NEMF: variants seen among roughly 807,000 people sequenced by gnomAD.
NEMF encodes ribosome quality control complex subunit NEMF.
NEMF carries 89 observed loss-of-function variants against 162.2 expected under a neutral mutation model. The ratio of observed to expected loss-of-function variants is 0.55; its 90% confidence interval spans 0.46 to 0.65. NEMF has a LOEUF of 0.65. Among genes scored for constraint, NEMF ranks in the 30% least tolerant of loss-of-function variants. The pLI, the probability that NEMF is intolerant of heterozygous loss-of-function variation, is 0.00. For synonymous variants in NEMF, 421 were observed against 404.5 expected (o/e 1.04, Z -0.49); for missense variants, 1,133 against 1,261.9 (o/e 0.90, Z 1.55).
intron 7 of NEMF, 39 bp from the exon 8 acceptor site, chr14:49,833,535 TC>T (rs1251883243): frequency 7.3e-7 from 1 of 1,372,508 alleles, no homozygotes; most frequent in Non-Finnish European, 1.0e-6. Context: ...GGAGTGCCAA[TC>T]AAGTGTCAAT....
intron 11 of NEMF, among the ~76,000 whole-genome samples, chr14:49,829,662 G>A (rs550015831): frequency 6.6e-6 from 1 of 152,100 alleles, no homozygotes; most frequent in African/African-American, 2.4e-5. Flanking sequence ...TTGATTACAG[G>A]TTACTGTGTA....
chr14:49,848,835 A>C (rs1490610581), intron 3 of NEMF, among the ~76,000 whole-genome samples: 1 of 146,204 alleles, frequency 6.8e-6, no homozygotes, highest in East Asian at 2.0e-4. Context: ...CTCCGTCTCA[A>C]AAAAAAAAAA....
intron 18 of NEMF, among the ~76,000 whole-genome samples, chr14:49,807,592 A>AT (rs371689750): frequency 0.016 from 1,955 of 125,272 alleles, 28 homozygotes; most frequent in Non-Finnish European, 0.018. Flanking sequence ...GTATCTTGTG[A>AT]TTTTTTTTTT....
chr14:49,847,547 C>T (rs558310941), intron 3 of NEMF, among the ~76,000 whole-genome samples: 6 of 152,034 alleles, frequency 3.9e-5, no homozygotes, highest in African/African-American at 1.2e-4. Flanking sequence ...TCTAAGTATG[C>T]CAAATTTCCC....
chr14:49,783,194 G>T lies in NEMF; in HGVS notation c.*1442C>A. ...GTTGGGCTTTTTACCCTGAAGAATG[G>T]TTGCTACATTTTCTTTTCAGTAACT... On this transcript the variant is annotated 3_prime_UTR_variant, in exon 33 of 33. Coordinates refer to ENST00000298310, the MANE Select transcript of NEMF (RefSeq NM_004713.6). The T allele has an allele frequency of 3.1e-6, 1 of 319,098 alleles. No individual in the cohort carries two copies. The highest frequency in any genetic ancestry group is 5.7e-6 in the Non-Finnish European group (1 of 176,436). The allele number at this position is 319,098 out of a possible 1,614,324, so 19.8% of individuals were successfully genotyped here.
chr14:49,809,166 T>C (rs575790004), intron 18 of NEMF, among the ~76,000 whole-genome samples: 5 of 152,306 alleles, frequency 3.3e-5, no homozygotes, highest in African/African-American at 9.6e-5. Flanking sequence ...TTCAACAATA[T>C]TGATGTTTGG....
At chr14:49,791,643 A>C (rs1890454413) in intron 26 of NEMF, among the ~76,000 whole-genome samples, 1 of 151,982 alleles carries the variant, frequency 6.6e-6, no homozygotes. Flanking sequence ...AGGCTGAGGC[A>C]GGAGAATTGC....
intron 16 of NEMF, chr14:49,820,189 A>G: frequency 3.5e-6 from 1 of 287,592 alleles, no homozygotes; most frequent in South Asian, 2.8e-5. Context: ...TGATCTTGTC[A>G]TCTGCCCGCC....
chr14:49,802,729 T>A lies in NEMF; in HGVS notation c.1916-2A>T, dbSNP rs1289940344. On this transcript the variant is annotated splice_acceptor_variant, in intron 20 of 32. Transcript: ENST00000298310. LOFTEE classifies it high-confidence loss of function. ...AGGGAGGAAGAAAATTCTTTTTTCC[T>A]ACAAAAGATAACGTACATTAATGCT... 1 of 1,607,136 alleles carries A rather than the reference T, an allele frequency of 6.2e-7. No individual in the cohort carries two copies. Among genetic ancestry groups the A allele is most frequent in the Admixed American group, 1.7e-5 (1 of 59,184 alleles).
intron 3 of NEMF, among the ~76,000 whole-genome samples, chr14:49,851,095 T>G (rs1893751888): frequency 6.6e-6 from 1 of 152,088 alleles, no homozygotes; most frequent in South Asian, 2.1e-4. Flanking sequence ...TCCCAGCTAC[T>G]GAGGAGGCTG....
chr14:49,800,501 A>G lies in NEMF; in HGVS notation c.2291T>C (p.Val764Ala). 6.2e-7 allele frequency: 1 copy of G among 1,613,882 alleles called. No individual in the cohort carries two copies. Among genetic ancestry groups the G allele is most frequent in the Non-Finnish European group, 8.5e-7 (1 of 1,179,844 alleles). The stretch of plus-strand genomic sequence containing the variant: ...TTCCCCTTCATCCTTCATTTCACCA[A>G]CAGAATCCTGATCTTTTCTAACCTC... ...YEEVRKDQDS[V>A]GEMKDEGEET... Residue 764 changes from valine (V) to alanine (A), a missense_variant, in exon 23 of 33, where the codon GTT (valine) becomes GCT (alanine). Around this residue, in one of 3 missense-constraint regions of NEMF, gnomAD observed 532 missense variants for 578.6 expected, o/e 0.92. Transcript: ENST00000298310.
chr14:49,820,440 C>T (rs1333858395), intron 16 of NEMF: 5 of 456,672 alleles, frequency 1.1e-5, no homozygotes, highest in South Asian at 7.7e-5. Flanking sequence ...AGTTCCTTAC[C>T]CTCTCCGTTT....
At chr14:49,848,833 CAA>C (rs36090515) in intron 3 of NEMF, among the ~76,000 whole-genome samples, 5 of 40,776 alleles carry the variant, frequency 1.2e-4, no homozygotes, top group South Asian at 8.4e-4. Context: ...GACTCCGTCT[CAA>C]AAAAAAAAAA....
chr14:49,820,165 T>C (rs1369133406), intron 16 of NEMF: 1 of 256,926 alleles, frequency 3.9e-6, no homozygotes, highest in Non-Finnish European at 7.7e-6. Flanking sequence ...TTGGCCAGGC[T>C]GGTCTCAAAC....
intron 5 of NEMF, among the ~76,000 whole-genome samples, chr14:49,838,432 G>A (rs867290412): frequency 1.3e-5 from 2 of 151,992 alleles, no homozygotes; most frequent in Admixed American, 6.6e-5. Context: ...GTATTTTTTC[G>A]ACCAAGGCAT....
At position 49,784,035 on chromosome 14, in the gene NEMF, G is replaced by GTTTC. The variant is rs1164965803; in HGVS notation, c.*597_*600dup. ...AGCAATCAAGCCACTTCACTGTTCA[G>GTTTC]TTTCTTTACATCATGAAATGAATAC... On this transcript the variant is annotated 3_prime_UTR_variant, in exon 33 of 33. Coordinates refer to ENST00000298310, the MANE Select transcript of NEMF (RefSeq NM_004713.6). 6 of 151,760 alleles carry GTTTC rather than the reference G, an allele frequency of 4.0e-5. No homozygotes were observed. The highest frequency in any genetic ancestry group is 2.0e-4 in the Admixed American group (3 of 15,216). The allele number at this position is 151,760 out of a possible 1,614,324, so 9.4% of individuals were successfully genotyped here.
At chr14:49,802,832 A>C in intron 20 of NEMF, 105 bp from the exon 21 acceptor site, 1 of 772,082 alleles carries the variant, frequency 1.3e-6, no homozygotes, top group South Asian at 1.7e-5. Context: ...GGTCATATCC[A>C]TTTTGTCTTT....
At chr14:49,836,651 A>T (rs539208411) in intron 6 of NEMF, among the ~76,000 whole-genome samples, 1 of 152,208 alleles carries the variant, frequency 6.6e-6, no homozygotes, top group South Asian at 2.1e-4. Context: ...TGGGAAATGC[A>T]GAAGATCTTT....
At chr14:49,817,297 G>A (rs1228666007) in intron 16 of NEMF, among the ~76,000 whole-genome samples, 5 of 152,100 alleles carry the variant, frequency 3.3e-5, no homozygotes, top group Admixed American at 2.6e-4. Flanking sequence ...AGAAAAATTA[G>A]CCAGGCATGG....
Sources: gnomAD v4.1 joint callset for allele counts (sites outside exome capture counted in the v4.1 genomes callset) on GRCh38, gnomAD v4.1.1 for gene constraint, gnomAD v4.1.1 regional missense constraint, MANE v1.5 for transcripts, NCBI Gene and HGNC (gene_info 2026-07-23, HGNC 2026-07-21) for gene names.